Variants in MDGA2 observed in about 807,000 individuals in gnomAD.
MDGA2 encodes the protein MAM domain-containing glycosylphosphatidylinositol anchor protein 2.
MDGA2 carries 40 observed loss-of-function variants against 117.8 expected under a neutral mutation model. That is an observed-to-expected ratio of 0.34 (90% confidence interval 0.26 to 0.44). MDGA2 has a LOEUF of 0.44. Ranked by LOEUF, MDGA2 falls within the 20% of genes least tolerant of loss-of-function variation. The pLI, the probability that MDGA2 is intolerant of heterozygous loss-of-function variation, is 1.00. For synonymous variants in MDGA2, 452 were observed against 439.0 expected, an observed-to-expected ratio of 1.03 and a Z score of -0.37; for missense variants, 1,123 against 1,250.6, an observed-to-expected ratio of 0.90 and a Z score of 1.54.
At chr14:47,198,670 G>A (rs1885379984) in intron 3 of MDGA2, among the ~76,000 whole-genome samples, 1 of 152,238 alleles carries the variant, frequency 6.6e-6, no homozygotes, top group South Asian at 2.1e-4. Context: ...TTCTGTTAAA[G>A]CTTTCAACCA....
At chr14:47,021,524 A>AT (rs1344311549) in intron 8 of MDGA2, among the ~76,000 whole-genome samples, 2 of 152,102 alleles carry the variant, frequency 1.3e-5, no homozygotes, top group Admixed American at 6.5e-5. Context: ...TCAATCTCTT[A>AT]TTTTTTATTC....
chr14:47,463,300 C>T (rs1047264449), intron 1 of MDGA2, among the ~76,000 whole-genome samples: 6 of 152,044 alleles, frequency 3.9e-5, no homozygotes, highest in Admixed American at 2.6e-4. Context: ...TGCTTGCACC[C>T]AAACATATAG....
At chr14:47,043,184 A>G (rs1352201703) in intron 7 of MDGA2, among the ~76,000 whole-genome samples, 2 of 152,114 alleles carry the variant, frequency 1.3e-5, no homozygotes, top group Admixed American at 6.6e-5. Context: ...AAAAAAATCC[A>G]ACATGCTAGA....
intron 1 of MDGA2, among the ~76,000 whole-genome samples, chr14:47,414,382 T>C (rs1437197363): frequency 6.6e-6 from 1 of 152,138 alleles, no homozygotes; most frequent in Non-Finnish European, 1.5e-5. Flanking sequence ...CATCAACTAG[T>C]TATGAAAAAT....
intron 1 of MDGA2, among the ~76,000 whole-genome samples, chr14:47,441,708 A>G (rs74045084): frequency 0.014 from 2,063 of 152,288 alleles, 51 homozygotes; most frequent in African/African-American, 0.047. Flanking sequence ...AGAGTATCAC[A>G]ATATATACTT....
chr14:47,195,121 A>C (rs1349027684), intron 3 of MDGA2, among the ~76,000 whole-genome samples: 2 of 152,014 alleles, frequency 1.3e-5, no homozygotes, highest in African/African-American at 2.4e-5. Flanking sequence ...TCTATTTAAA[A>C]CCAGTGGCAT....
intron 6 of MDGA2, among the ~76,000 whole-genome samples, chr14:47,083,760 C>A (rs1890792573): frequency 6.6e-6 from 1 of 151,760 alleles, no homozygotes; most frequent in Non-Finnish European, 1.5e-5. Context: ...TGCAAACAAC[C>A]ATCAAAAGTA....
chr14:47,477,998 T>A (rs764900353), intron 1 of MDGA2, among the ~76,000 whole-genome samples: 3 of 152,238 alleles, frequency 2.0e-5, no homozygotes, highest in Non-Finnish European at 2.9e-5. Context: ...TCCCACCGTA[T>A]CTTGCTGCTT....
At chr14:46,894,431 A>T (rs1883001217) in intron 10 of MDGA2, among the ~76,000 whole-genome samples, 1 of 151,598 alleles carries the variant, frequency 6.6e-6, no homozygotes, top group African/African-American at 2.4e-5. Flanking sequence ...TTTTTTCACC[A>T]TTGGGAAGGC....
At chr14:47,119,988 G>C (rs1405814091) in intron 5 of MDGA2, among the ~76,000 whole-genome samples, 1 of 152,000 alleles carries the variant, frequency 6.6e-6, no homozygotes, top group East Asian at 1.9e-4. Context: ...CCTCTATTTG[G>C]TCATTTCAGA....
In MDGA2 at chr14:47,097,082, CA is replaced by C; in HGVS notation, c.966del (p.Val323Ter). ...AATGTTATGGCCTCTCCAGGATTTA[CA>C]ACTATAGGATCATCCACCAAGAGTT... ...SIKLLVDDPI[V>X]VNPGEAITLV... On this transcript the variant is annotated frameshift_variant, in exon 6 of 17. Transcript: ENST00000399232. LOFTEE classifies it high-confidence loss of function. 1 of 1,613,198 alleles carries C rather than the reference CA, an allele frequency of 6.2e-7. No homozygotes were observed. Among genetic ancestry groups the C allele is most frequent in the Non-Finnish European group, 8.5e-7 (1 of 1,179,350 alleles).
chr14:47,317,767 C>T (rs977413662), intron 1 of MDGA2, among the ~76,000 whole-genome samples: 1 of 152,074 alleles, frequency 6.6e-6, no homozygotes, highest in Non-Finnish European at 1.5e-5. Context: ...ACATACATCA[C>T]GTTTAGAATG....
intron 1 of MDGA2, among the ~76,000 whole-genome samples, chr14:47,650,228 C>T (rs958597528): frequency 2.0e-5 from 3 of 152,170 alleles, no homozygotes; most frequent in Non-Finnish European, 4.4e-5. Flanking sequence ...CTGAAGCATG[C>T]CAGCCTTTAG....
intron 3 of MDGA2, among the ~76,000 whole-genome samples, chr14:47,181,980 T>G (rs1331598192): frequency 6.6e-6 from 1 of 152,180 alleles, no homozygotes; most frequent in Non-Finnish European, 1.5e-5. Flanking sequence ...TATATAAACT[T>G]CTAATTGCCT....
At chr14:47,451,316 G>A (rs1318938655) in intron 1 of MDGA2, among the ~76,000 whole-genome samples, 1 of 152,004 alleles carries the variant, frequency 6.6e-6, no homozygotes, top group African/African-American at 2.4e-5. Context: ...TCTGTGGAAG[G>A]AATGAAGTGA....
At chr14:47,583,914 G>C (rs953902994) in intron 1 of MDGA2, among the ~76,000 whole-genome samples, 4 of 151,742 alleles carry the variant, frequency 2.6e-5, no homozygotes, top group Admixed American at 6.6e-5. Context: ...GTAAAGGGAA[G>C]ACAATCTTAT....
chr14:47,387,474 T>A (rs1402385044), intron 1 of MDGA2, among the ~76,000 whole-genome samples: 1 of 152,162 alleles, frequency 6.6e-6, no homozygotes, highest in Non-Finnish European at 1.5e-5. Context: ...GTCTACCAGG[T>A]ACCTCTTATG....
intron 1 of MDGA2, among the ~76,000 whole-genome samples, chr14:47,509,112 T>C (rs1695908962): frequency 6.6e-6 from 1 of 152,082 alleles, no homozygotes; most frequent in Admixed American, 6.5e-5. Context: ...CAAGAGAACA[T>C]GAGAAAGTAG....
chr14:47,323,390 C>T (rs970700167), intron 1 of MDGA2, among the ~76,000 whole-genome samples: 1 of 151,656 alleles, frequency 6.6e-6, no homozygotes, highest in African/African-American at 2.4e-5. Context: ...TACTGGGAGG[C>T]CGAGGCAGGA....
Sources: allele counts gnomAD v4.1 joint callset (sites outside exome capture counted in the v4.1 genomes callset), GRCh38; gene constraint gnomAD v4.1.1; transcripts MANE v1.5; gene names NCBI Gene and HGNC (gene_info 2026-07-23, HGNC 2026-07-21).